Variants in BDNF observed in about 807,000 individuals in gnomAD.
BDNF encodes the protein brain derived neurotrophic factor, also known as neurotrophic factor BDNF precursor form.
Under a neutral mutation model 19.5 loss-of-function variants are expected in BDNF, and 1 was observed. The observed-to-expected ratio is 0.05, with a 90% confidence interval of 0.02 to 0.24. The LOEUF is 0.24. Among genes scored for constraint, BDNF ranks in the 10% least tolerant of loss-of-function variants. The pLI, the probability that BDNF is intolerant of heterozygous loss-of-function variation, is 1.00. For synonymous variants in BDNF, 100 were observed against 121.6 expected (o/e 0.82, Z 1.17); for missense variants, 195 against 317.6 (o/e 0.61, Z 2.93).
In BDNF at chr11:27,715,823, C is replaced by G. The variant is rs901757642; in HGVS notation, c.3+5589G>C. The stretch of plus-strand genomic sequence containing the variant: ...TGTAAAAGGTGATTGGTGATTCCTA[C>G]CTTACATGACTGATAAGGAAATCAA... On this transcript the variant is annotated intron_variant, in intron 1 of 1. Transcript: ENST00000314915. 9.2e-5 allele frequency among the ~76,000 whole-genome samples: 14 copies of G among 152,250 alleles called. No individual in the cohort carries two copies. The South Asian group carries it at 2.3e-3, about 25-fold the overall frequency.
At chr11:27,669,162 G>A (rs11500195) in intron 1 of BDNF, among the ~76,000 whole-genome samples, 17,277 of 151,980 alleles carry the variant, frequency 0.11, 2,479 homozygotes, top group African/African-American at 0.3. Context: ...CAAAAACCAT[G>A]ATTATCTCAA....
In BDNF at chr11:27,657,227, TA is replaced by T. The variant is rs909087524; in HGVS notation, c.*593del. 24 of 984,868 alleles carry T rather than the reference TA, an allele frequency of 2.4e-5. No homozygotes were observed. Among genetic ancestry groups the T allele is most frequent in the Admixed American group, 6.1e-5 (1 of 16,490 alleles). The allele number at this position is 984,868 out of a possible 1,614,324, so 61.0% of individuals were successfully genotyped here. On this transcript the variant is annotated 3_prime_UTR_variant, in exon 2 of 2. Transcript: ENST00000356660. The surrounding 1 kb of genome is among the most constrained non-coding windows in gnomAD (Gnocchi z 5.0). The stretch of plus-strand genomic sequence containing the variant: ...CCCCATCTCTACTCCCTGTGGGAAC[TA>T]AAAAACAAAACAAACAAACGAAAAA...
At chr11:27,680,592 A>C (rs558201837) in intron 1 of BDNF, among the ~76,000 whole-genome samples, 1 of 152,340 alleles carries the variant, frequency 6.6e-6, no homozygotes, top group South Asian at 2.1e-4. Context: ...TGAATCATTT[A>C]GCAAGTACCT....
chr11:27,692,701 A>G (rs1858464525), intron 1 of BDNF, among the ~76,000 whole-genome samples: 1 of 152,148 alleles, frequency 6.6e-6, no homozygotes, highest in African/African-American at 2.4e-5. Flanking sequence ...TGAGCATTCA[A>G]TATTTGCTAA....
exon 1 of BDNF, chr11:27,721,745 T>A: frequency 2.3e-6 from 1 of 438,336 alleles, no homozygotes; most frequent in South Asian, 2.7e-5. Flanking sequence ...TTACCAATGA[T>A]TGCCCAACTG....
upstream of BDNF, among the ~76,000 whole-genome samples, chr11:27,702,021 A>G (rs1859926202): frequency 7.5e-6 from 1 of 133,252 alleles, no homozygotes; most frequent in Admixed American, 9.5e-5. Context: ...TCGGGTTCTC[A>G]TTTGCCTGTA....
intron 1 of BDNF, chr11:27,677,184 T>C (rs1169686631): frequency 6.6e-6 from 1 of 152,160 alleles, no homozygotes; most frequent in Non-Finnish European, 1.5e-5. Flanking sequence ...TCTCACACAC[T>C]CTGTTTGATG....
At chr11:27,674,467 C>G in intron 1 of BDNF, 1 of 1,415,198 alleles carries the variant, frequency 7.1e-7, no homozygotes, top group South Asian at 1.6e-5. Flanking sequence ...CGGTTCATTT[C>G]AACAGCACGA....
chr11:27,707,701 G>C (rs1187134214), intron 1 of BDNF, among the ~76,000 whole-genome samples: 1 of 152,130 alleles, frequency 6.6e-6, no homozygotes, highest in Non-Finnish European at 1.5e-5. Flanking sequence ...GGTGGAATGG[G>C]GAATGAATTG....
intron 1 of BDNF, among the ~76,000 whole-genome samples, chr11:27,712,447 A>G (rs959520546): frequency 1.3e-5 from 2 of 152,186 alleles, no homozygotes; most frequent in African/African-American, 2.4e-5. Context: ...ATTATTTTAA[A>G]TGTTTTTATA....
upstream of BDNF, among the ~76,000 whole-genome samples, chr11:27,703,081 C>G (rs1859975601): frequency 6.6e-6 from 1 of 152,144 alleles, no homozygotes; most frequent in Non-Finnish European, 1.5e-5. Context: ...CCAATACAAA[C>G]TACCCTACAG....
intron 1 of BDNF, chr11:27,720,803 C>G (rs1370546341): frequency 1.0e-6 from 1 of 987,998 alleles, no homozygotes; most frequent in Non-Finnish European, 1.2e-6. Context: ...TCTTCCACTT[C>G]CTTACGGTTT....
At chr11:27,669,248 G>A (rs532052780) in intron 1 of BDNF, among the ~76,000 whole-genome samples, 2 of 152,198 alleles carry the variant, frequency 1.3e-5, no homozygotes, top group East Asian at 1.9e-4. Context: ...GTATTGATGG[G>A]ACATATCTCA....
At chr11:27,718,354 A>ACC (rs376255605) in intron 1 of BDNF, among the ~76,000 whole-genome samples, 11,666 of 100,758 alleles carry the variant, frequency 0.12, 958 homozygotes, top group South Asian at 0.24. Flanking sequence ...TCCGCACACC[A>ACC]CCCCCCCCCG....
chr11:27,659,608 T>G, intron 1 of BDNF: 1 of 998,942 alleles, frequency 1.0e-6, no homozygotes, highest in Non-Finnish European at 1.2e-6. Flanking sequence ...TCAACTTTTC[T>G]TTTTACTAGA....
chr11:27,689,169 G>A (rs1472389243), intron 1 of BDNF, among the ~76,000 whole-genome samples: 3 of 152,104 alleles, frequency 2.0e-5, no homozygotes, highest in East Asian at 1.9e-4. Context: ...AATGCATCAA[G>A]GGCAAGATAT....
intron 1 of BDNF, among the ~76,000 whole-genome samples, chr11:27,676,827 T>C (rs16917234): frequency 0.11 from 17,441 of 152,198 alleles, 2,506 homozygotes; most frequent in African/African-American, 0.31. Flanking sequence ...CTGAAAATAA[T>C]GTTAATAGCT....
At chr11:27,697,162 CACAGAGAGAGAG>C (rs1483842175) in intron 1 of BDNF, among the ~76,000 whole-genome samples, 3 of 125,134 alleles carry the variant, frequency 2.4e-5, no homozygotes, top group Admixed American at 2.3e-4. Context: ...CACACACACA[CACAGAGAGAGAG>C]AGAGAGAGAG....
chr11:27,706,863 C>T (rs775296349), intron 1 of BDNF, among the ~76,000 whole-genome samples: 5 of 152,194 alleles, frequency 3.3e-5, no homozygotes, highest in Admixed American at 6.5e-5. Flanking sequence ...AACAAAGCTA[C>T]GTCTTCTGTC....
Sources: gnomAD v4.1 joint callset for allele counts (sites outside exome capture counted in the v4.1 genomes callset) on GRCh38, gnomAD v4.1.1 for gene constraint, Gnocchi (gnomAD v3.1) non-coding constraint, MANE v1.5 for transcripts, NCBI Gene and HGNC (gene_info 2026-07-23, HGNC 2026-07-21) for gene names.